The following C1orf94 variants were observed in gnomAD, a reference collection of about 807,000 sequenced individuals.
C1orf94 encodes the protein chromosome 1 open reading frame 94, also known as uncharacterized protein C1orf94.
A neutral mutation model predicts 53.6 loss-of-function variants in C1orf94; 45 were observed. That is an observed-to-expected ratio of 0.84 (90% CI 0.66 to 1.08). The LOEUF is 1.08. C1orf94 is among the 50% of genes least tolerant of loss of function. The probability of loss-of-function intolerance (pLI) is 0.00; values close to 1 mark genes in which losing one functional copy is unlikely to be tolerated. For missense variants in C1orf94, 762 were observed against 738.9 expected (o/e 1.03, Z -0.36); for synonymous variants, 304 against 296.1 (o/e 1.03, Z -0.27).
Position 34,212,385 on chromosome 1 carries a change from A to G in C1orf94, c.1700A>G (p.Tyr567Cys), listed in dbSNP as rs1191756040. Reference protein sequence around the residue: ...PPLMAGDGPQYLFPQGYGFGS... With the variant: ...PPLMAGDGPQCLFPQGYGFGS... The stretch of plus-strand genomic sequence containing the variant: ...CTAATGGCAGGAGATGGACCGCAGT[A>G]CCTCTTTCCCCAAGGATATGGGTGA... Residue 567 changes from tyrosine to cysteine, a missense_variant, in exon 6 of 7, where the codon TAC becomes TGC. By Grantham distance (194) the Tyr-to-Cys change is radical. Coordinates refer to ENST00000488417, the MANE Select transcript of C1orf94 (RefSeq NM_001134734.2). The G allele has an allele frequency of 6.2e-7, 1 of 1,611,446 alleles. No homozygotes were observed. Among genetic ancestry groups the G allele is most frequent in the Admixed American group, 1.7e-5 (1 of 59,684 alleles).
At chr1:34,182,637 C>T (rs964052879) in intron 1 of C1orf94, among the ~76,000 whole-genome samples, 7 of 152,172 alleles carry the variant, frequency 4.6e-5, no homozygotes, top group Non-Finnish European at 1.5e-5. Context: ...AATGGACCTA[C>T]TCATGATTTG....
intron 5 of C1orf94, among the ~76,000 whole-genome samples, chr1:34,208,709 G>A (rs1642841740): frequency 6.6e-6 from 1 of 152,200 alleles, no homozygotes; most frequent in African/African-American, 2.4e-5. Context: ...TGTGGATCAG[G>A]TTTAGGTGGG....
intron 1 of C1orf94, among the ~76,000 whole-genome samples, chr1:34,183,647 G>A (rs1244101564): frequency 6.6e-6 from 1 of 152,162 alleles, no homozygotes; most frequent in Non-Finnish European, 1.5e-5. Flanking sequence ...TTGAGGTCAG[G>A]AGTTTTGAGA....
upstream of C1orf94, among the ~76,000 whole-genome samples, chr1:34,171,951 TC>T (rs1642151547): frequency 6.6e-6 from 1 of 152,242 alleles, no homozygotes; most frequent in Non-Finnish European, 1.5e-5. Context: ...AGTCAGTTCT[TC>T]CTTTATTCTT....
upstream of C1orf94, among the ~76,000 whole-genome samples, chr1:34,172,059 A>G (rs763237209): frequency 7.9e-5 from 12 of 152,334 alleles, no homozygotes; most frequent in Non-Finnish European, 1.5e-4. Context: ...TTAGTGACCA[A>G]TGTCCCGGCA....
At chr1:34,169,650 A>G (rs1642113761) in intron 1 of C1orf94, among the ~76,000 whole-genome samples, 1 of 148,196 alleles carries the variant, frequency 6.7e-6, no homozygotes, top group African/African-American at 2.5e-5. Context: ...CAAATGGGAG[A>G]TTCTAGCAAT....
intron 6 of C1orf94, among the ~76,000 whole-genome samples, chr1:34,213,743 G>A (rs1000972866): frequency 5.9e-5 from 9 of 152,068 alleles, no homozygotes; most frequent in Non-Finnish European, 1.0e-4. Context: ...GTTTCACCAT[G>A]TTGGCCAGGC....
At chr1:34,191,459 C>T (rs1042000026) in intron 1 of C1orf94, among the ~76,000 whole-genome samples, 1 of 152,150 alleles carries the variant, frequency 6.6e-6, no homozygotes, top group Non-Finnish European at 1.5e-5. Flanking sequence ...CTAGTTTCCA[C>T]CTCCCTCCAG....
In C1orf94 at chr1:34,177,823, G is replaced by A; in HGVS notation, c.34G>A (p.Gly12Ser). The change falls in exon 1 of 7, where the codon GGT becomes AGT. Residue 12 changes from glycine (G) to serine (S), a missense_variant. Coordinates refer to ENST00000488417, the MANE Select transcript of C1orf94 (RefSeq NM_001134734.2). ...TGGTGGTGGTTGTGTTCTAGCCCTG[G>A]GTGGACAGAGGGGCTTCCAGAAAGA... ...RGGGGCVLAL[G>S]GQRGFQKERR... The A allele has an allele frequency of 6.5e-7, 1 of 1,548,626 alleles. No homozygotes were observed. Among genetic ancestry groups the A allele is most frequent in the Non-Finnish European group, 8.7e-7 (1 of 1,144,800 alleles).
intron 1 of C1orf94, among the ~76,000 whole-genome samples, chr1:34,193,722 A>G (rs1214238657): frequency 6.6e-6 from 1 of 152,252 alleles, no homozygotes; most frequent in East Asian, 1.9e-4. Flanking sequence ...GTAGGATTAA[A>G]TATGAACACA....
chr1:34,190,491 C>G (rs1642464682), intron 1 of C1orf94, among the ~76,000 whole-genome samples: 1 of 152,202 alleles, frequency 6.6e-6, no homozygotes, highest in Non-Finnish European at 1.5e-5. Context: ...TTTGCACATG[C>G]TGTTCCCTGT....
rs1171536743 is a variant in C1orf94 at position 34,177,609 on chromosome 1, C to T, written c.-181C>T. 1 of 555,152 alleles carries T rather than the reference C, an allele frequency of 1.8e-6. No individual in the cohort carries two copies. Among genetic ancestry groups the T allele is most frequent in the Admixed American group, 3.1e-5 (1 of 32,408 alleles). The allele number at this position is 555,152 out of a possible 1,614,324, so 34.4% of individuals were successfully genotyped here. A position where few individuals can be genotyped will look rare whatever the true frequency, so the allele number is the denominator to read the frequency against. ...GGGAGAGGGGGAGGGAGGCAAAAGT[C>T]AGGAAAGAGCAAATAAAAACAAATC... On this transcript the variant is annotated 5_prime_UTR_variant, in exon 1 of 7. Transcript: ENST00000488417.
At chr1:34,185,912 A>C (rs547256907) in intron 1 of C1orf94, among the ~76,000 whole-genome samples, 1 of 152,304 alleles carries the variant, frequency 6.6e-6, no homozygotes, top group South Asian at 2.1e-4. Context: ...TAAACCAACA[A>C]GAGCTACCAG....
At chr1:34,176,198 G>A (rs1423219481), upstream of C1orf94, among the ~76,000 whole-genome samples, 2 of 152,176 alleles carry the variant, frequency 1.3e-5, no homozygotes, top group Non-Finnish European at 2.9e-5. Flanking sequence ...CACACAGCTC[G>A]GAAATGAGTG....
Position 34,201,962 on chromosome 1 carries a change from T to C in C1orf94, c.1271-122T>C, listed in dbSNP as rs746910317. ...TGTACTAGAACTTTGAAGAACCCTC[T>C]TGGAGCTTAAAGGACCTGACCTGTG... On this transcript the variant is annotated intron_variant, in intron 3 of 6. Transcript: ENST00000488417. 1.1e-4 allele frequency: 103 copies of C among 922,078 alleles called. No individual in the cohort carries two copies. The Middle Eastern group carries it at 1.4e-3, about 12-fold the overall frequency. The allele number at this position is 922,078 out of a possible 1,614,324, so 57.1% of individuals were successfully genotyped here.
chr1:34,200,959 T>C lies in C1orf94; in HGVS notation c.1197T>C (p.Leu399=), dbSNP rs756648350. Residue 399 remains leucine (L), a synonymous_variant, in exon 3 of 7, where the codon CTT becomes CTC. Coordinates refer to ENST00000488417, the MANE Select transcript of C1orf94 (RefSeq NM_001134734.2). ...PAEKNLLYEF[L]GATKNPSGQP... is the part of the protein sequence containing the mutation. ...AGAAGAACTTGCTCTATGAGTTCCTTGGGGCCACCAAGAACCCAAGCGGGC... is the reference window on the plus strand; with the variant it reads ...AGAAGAACTTGCTCTATGAGTTCCTCGGGGCCACCAAGAACCCAAGCGGGC... 1.1e-5 allele frequency: 17 copies of C among 1,613,634 alleles called. No individual in the cohort carries two copies. Among genetic ancestry groups the C allele is most frequent in the East Asian group, 2.2e-5 (1 of 44,866 alleles).
chr1:34,202,011 T>A, intron 3 of C1orf94, 73 bp from the exon 4 acceptor site: 2 of 1,486,026 alleles, frequency 1.3e-6, no homozygotes, highest in Non-Finnish European at 9.2e-7. Flanking sequence ...CTAAGGAAGT[T>A]GCGATGCTGA....
At position 34,216,995 on chromosome 1, in the gene C1orf94, G is replaced by A. The variant is rs953649039; in HGVS notation, c.1722-1691G>A. Among the ~76,000 whole-genome samples, 5 of 152,124 alleles carry A rather than the reference G, an allele frequency of 3.3e-5. No homozygotes were observed. In the East Asian group the frequency reaches 5.8e-4, roughly 18 times the overall value. On this transcript the variant is annotated intron_variant, in intron 6 of 6. Coordinates refer to ENST00000488417, the MANE Select transcript of C1orf94 (RefSeq NM_001134734.2). Reference sequence around the variant, plus strand: ...CTGGGGAGAATGAGGCACAGGAATCGCTTGGACCTGGGAAGCAGAGATTGC... The same window carrying A: ...CTGGGGAGAATGAGGCACAGGAATCACTTGGACCTGGGAAGCAGAGATTGC...
intron 4 of C1orf94, among the ~76,000 whole-genome samples, chr1:34,207,900 G>A (rs536642993): frequency 1.3e-5 from 2 of 152,288 alleles, no homozygotes; most frequent in East Asian, 1.9e-4. Context: ...TCTGGGACTC[G>A]GGAGGCAGTC....
Sources: gnomAD v4.1 joint callset for allele counts (sites outside exome capture counted in the v4.1 genomes callset) on GRCh38, gnomAD v4.1.1 for gene constraint, MANE v1.5 for transcripts, NCBI Gene and HGNC (gene_info 2026-07-23, HGNC 2026-07-21) for gene names.